HERPUD2: variants seen among roughly 807,000 people sequenced by gnomAD.
HERPUD2 encodes HERPUD family member 2, also known as homocysteine-responsive endoplasmic reticulum-resident ubiquitin-like domain member 2 protein.
In HERPUD2, 13 loss-of-function variants were observed where a neutral mutation model predicts 49.9. That is an observed-to-expected ratio of 0.26 (90% confidence interval 0.17 to 0.41). The LOEUF is 0.41. Ranked by LOEUF, HERPUD2 falls within the 10% of genes least tolerant of loss-of-function variation. The probability of loss-of-function intolerance (pLI) is 1.00; values close to 1 mark genes in which losing one functional copy is unlikely to be tolerated. For synonymous variants in HERPUD2, 172 were observed against 171.4 expected (o/e 1.00, Z -0.03); for missense variants, 449 against 492.2 (o/e 0.91, Z 0.83).
intron 5 of HERPUD2, among the ~76,000 whole-genome samples, chr7:35,657,630 G>A (rs868763613): frequency 9.5e-5 from 14 of 147,632 alleles, no homozygotes; most frequent in South Asian, 4.3e-4. Context: ...AAAAAAGGCC[G>A]GGCGCGGTGG....
intron 5 of HERPUD2, among the ~76,000 whole-genome samples, chr7:35,652,324 T>C (rs1116211): frequency 0.42 from 63,522 of 152,044 alleles, 13,482 homozygotes; most frequent in South Asian, 0.56. Context: ...TTTACCAACC[T>C]GCAAGTTGAC....
chr7:35,645,619 G>A lies in HERPUD2; in HGVS notation c.495-7147C>T, dbSNP rs1368299199. ...ACAAAATGATGTATAACAGGTCCTG[G>A]AATAATGTCATATTTTTATAACATT... On this transcript the variant is annotated intron_variant, in intron 5 of 8. Transcript: ENST00000311350. Among the ~76,000 whole-genome samples, 4 of 151,894 alleles carry A rather than the reference G, an allele frequency of 2.6e-5. No individual in the cohort carries two copies. The East Asian group carries it at 7.7e-4, about 29-fold the overall frequency.
In HERPUD2 at chr7:35,673,184, G is replaced by C. The variant is rs1364271398; in HGVS notation, c.225+17C>G. 1 of 1,591,090 alleles carries C rather than the reference G, an allele frequency of 6.3e-7. No homozygotes were observed. The stretch of plus-strand genomic sequence containing the variant: ...TTCTGAATGTATCTGGTATCAAATA[G>C]TGGTAGAAAAGCTTACTTTTCTGAG... On this transcript the variant is annotated intron_variant, in intron 3 of 8. Transcript: ENST00000311350.
intron 2 of HERPUD2, among the ~76,000 whole-genome samples, chr7:35,682,607 TA>T (rs989685828): frequency 6.6e-5 from 10 of 151,288 alleles, no homozygotes; most frequent in African/African-American, 2.4e-4. Flanking sequence ...TCCAAATCGG[TA>T]AAGAGGAAGT....
chr7:35,678,337 G>A (rs1785810163), intron 2 of HERPUD2, among the ~76,000 whole-genome samples: 2 of 151,100 alleles, frequency 1.3e-5, no homozygotes, highest in South Asian at 4.2e-4. Flanking sequence ...GTGTCACTCT[G>A]TCACCCAGGC....
intron 2 of HERPUD2, among the ~76,000 whole-genome samples, chr7:35,684,685 G>A (rs2116031293): frequency 6.6e-6 from 1 of 152,286 alleles, no homozygotes; most frequent in Non-Finnish European, 1.5e-5. Context: ...ATAAATGGGA[G>A]TTAAAGCTAT....
At chr7:35,691,437 G>A (rs1786184981) in intron 2 of HERPUD2, among the ~76,000 whole-genome samples, 1 of 152,062 alleles carries the variant, frequency 6.6e-6, no homozygotes, top group African/African-American at 2.4e-5. Context: ...TATTTTCCTA[G>A]AAGCCACTGC....
chr7:35,694,444 G>C lies in HERPUD2; in HGVS notation c.-114C>G. 3 of 1,088,638 alleles carry C rather than the reference G, an allele frequency of 2.8e-6. No homozygotes were observed. In the South Asian group the frequency reaches 4.1e-5, roughly 15 times the overall value. The allele number at this position is 1,088,638 out of a possible 1,614,324, so 67.4% of individuals were successfully genotyped here. On this transcript the variant is annotated 5_prime_UTR_variant, in exon 2 of 9. Transcript: ENST00000311350. ...GACAGAAGTGAGTTCTTAGTATTCC[G>C]TGTCCAAGTCAGTTACAAGTGCACT... is the stretch of plus-strand genomic sequence containing the variant.
intron 6 of HERPUD2, among the ~76,000 whole-genome samples, chr7:35,638,119 A>C (rs193271252): frequency 3.9e-5 from 6 of 152,332 alleles, no homozygotes; most frequent in African/African-American, 1.4e-4. Flanking sequence ...TCTTAAATTT[A>C]TAAAATGTTA....
At chr7:35,674,356 T>G (rs1785703506) in intron 2 of HERPUD2, among the ~76,000 whole-genome samples, 2 of 128,858 alleles carry the variant, frequency 1.6e-5, no homozygotes, top group Admixed American at 1.8e-4. Flanking sequence ...GTGCACAGGT[T>G]TTAAAATCAT....
At chr7:35,644,788 T>C (rs551328906) in intron 5 of HERPUD2, among the ~76,000 whole-genome samples, 52 of 151,954 alleles carry the variant, frequency 3.4e-4, no homozygotes, top group African/African-American at 1.2e-3. Flanking sequence ...AAAGGAAACA[T>C]CAACCAAATG....
At chr7:35,686,795 C>A in intron 2 of HERPUD2, among the ~76,000 whole-genome samples, 1 of 51,454 alleles carries the variant, frequency 1.9e-5, no homozygotes, top group Non-Finnish European at 3.7e-5. Flanking sequence ...GTAATTCCAG[C>A]ACTTTGGGAG....
In HERPUD2 at chr7:35,673,188, T is replaced by G; in HGVS notation, c.225+13A>C. 6.3e-7 allele frequency: 1 copy of G among 1,593,792 alleles called. No homozygotes were observed. The highest frequency in any genetic ancestry group is 8.6e-7 in the Non-Finnish European group (1 of 1,163,442). On this transcript the variant is annotated intron_variant, in intron 3 of 8. Transcript: ENST00000311350. ...GAATGTATCTGGTATCAAATAGTGG[T>G]AGAAAAGCTTACTTTTCTGAGAATG... is the stretch of plus-strand genomic sequence containing the variant.
At chr7:35,689,723 A>G (rs902499828) in intron 2 of HERPUD2, among the ~76,000 whole-genome samples, 1 of 152,254 alleles carries the variant, frequency 6.6e-6, no homozygotes, top group Non-Finnish European at 1.5e-5. Flanking sequence ...AGAGGTAGAT[A>G]AGAAAATGAC....
chr7:35,646,680 T>C (rs2115861277), intron 5 of HERPUD2, among the ~76,000 whole-genome samples: 1 of 152,328 alleles, frequency 6.6e-6, no homozygotes, highest in Non-Finnish European at 1.5e-5. Context: ...AAAATGTAAC[T>C]ATTTGGAATG....
intron 4 of HERPUD2, among the ~76,000 whole-genome samples, chr7:35,669,647 T>C (rs1285250717): frequency 6.6e-6 from 1 of 152,162 alleles, no homozygotes. Context: ...AAAACAATTT[T>C]AGGCAGATGG....
intron 2 of HERPUD2, among the ~76,000 whole-genome samples, chr7:35,687,845 T>C (rs192522592): frequency 5.3e-5 from 8 of 152,330 alleles, no homozygotes; most frequent in Admixed American, 1.3e-4. Context: ...TTCAAGAAAG[T>C]CACCTAGTTA....
chr7:35,660,818 T>A (rs903063663), intron 5 of HERPUD2, among the ~76,000 whole-genome samples: 2 of 152,226 alleles, frequency 1.3e-5, no homozygotes, highest in Non-Finnish European at 2.9e-5. Flanking sequence ...TTTTCTCCCA[T>A]TCCGTAGGTT....
chr7:35,640,739 T>G (rs543605172), intron 5 of HERPUD2, among the ~76,000 whole-genome samples: 1 of 152,148 alleles, frequency 6.6e-6, no homozygotes, highest in Non-Finnish European at 1.5e-5. Context: ...TAATAAAATA[T>G]ATAGGAATAG....
Sources: gnomAD v4.1 joint callset for allele counts (sites outside exome capture counted in the v4.1 genomes callset) on GRCh38, gnomAD v4.1.1 for gene constraint, MANE v1.5 for transcripts, NCBI Gene and HGNC (gene_info 2026-07-23, HGNC 2026-07-21) for gene names.